PUS1: variants seen among roughly 807,000 people sequenced by gnomAD.
PUS1 encodes pseudouridylate synthase 1 homolog.
PUS1 carries 25 observed loss-of-function variants against 38.5 expected under a neutral mutation model. The ratio of observed to expected loss-of-function variants is 0.65; its 90% confidence interval spans 0.47 to 0.91. The LOEUF (loss-of-function observed/expected upper bound fraction) is 0.91. PUS1 is among the 40% of genes least tolerant of loss of function. PUS1 has a pLI of 0.00. For missense variants in PUS1, 597 were observed against 612.3 expected (o/e 0.97, Z 0.26); for synonymous variants, 282 against 260.4 (o/e 1.08, Z -0.80).
In PUS1 at chr12:131,930,358, C is replaced by G. The variant is rs190225061; in HGVS notation, c.303+223C>G. On this transcript the variant is annotated intron_variant, in intron 2 of 5. Coordinates refer to ENST00000376649, the MANE Select transcript of PUS1 (RefSeq NM_025215.6). ...CGGCCCTGCCGCTAACCGCTGTTAT[C>G]TGGGGCGGGGTTCACTTGCTGGGTG... 2.6e-3 allele frequency among the ~76,000 whole-genome samples: 393 copies of G among 152,320 alleles called. 1 individual carries two copies. The highest frequency in any genetic ancestry group is 6.8e-3 in the Middle Eastern group (2 of 294).
At position 131,941,199 on chromosome 12, in the gene PUS1, G is replaced by T; in HGVS notation, c.545-93G>T. On this transcript the variant is annotated intron_variant, in intron 4 of 5. Coordinates refer to ENST00000376649, the MANE Select transcript of PUS1 (RefSeq NM_025215.6). The surrounding 1 kb of genome is among the most constrained non-coding windows in gnomAD (Gnocchi z 4.4). ...GAGCTTGGTCGGTGCTCTGGGTAAG[G>T]AGACGCTGGGGCTCACGCCGTGCTC... is the stretch of plus-strand genomic sequence containing the variant. 1.8e-6 allele frequency: 2 copies of T among 1,121,190 alleles called. No homozygotes were observed. The highest frequency in any genetic ancestry group is 2.5e-5 in the East Asian group (1 of 39,548). 69.5% of individuals were successfully genotyped at this position (1,121,190 alleles called of 1,614,324 possible). A position where few individuals can be genotyped will look rare whatever the true frequency, so the allele number is the denominator to read the frequency against.
chr12:131,929,911 C>A lies in PUS1; in HGVS notation c.79C>A (p.Pro27Thr). Residue 27 changes from proline to threonine, a missense_variant, in exon 2 of 6, where the codon CCG becomes ACG. Transcript: ENST00000376649. ...LRLGPRPSCS[P>T]RMAGNAEPPP... ...TCACGCCGCCCTTCTCCGCAGCTCG[C>A]CGCGCATGGCCGGGAACGCGGAGCC... 1.4e-6 allele frequency: 2 copies of A among 1,473,454 alleles called. No homozygotes were observed. Among genetic ancestry groups the A allele is most frequent in the Non-Finnish European group, 1.8e-6 (2 of 1,118,948 alleles). The allele number at this position is 1,473,454 out of a possible 1,614,324, so 91.3% of individuals were successfully genotyped here. A position where few individuals can be genotyped will look rare whatever the true frequency, so the allele number is the denominator to read the frequency against.
intron 5 of PUS1, among the ~76,000 whole-genome samples, chr12:131,942,572 C>T (rs545407000): frequency 6.6e-6 from 1 of 151,996 alleles, no homozygotes; most frequent in African/African-American, 2.4e-5. Context: ...ACGCCCGGCT[C>T]ATTTTTTGTA....
chr12:131,933,825 A>T (rs760285138), intron 3 of PUS1, among the ~76,000 whole-genome samples: 22 of 152,140 alleles, frequency 1.4e-4, no homozygotes, highest in Admixed American at 5.2e-4. Flanking sequence ...CGAGACAAAG[A>T]GATAGAAGGA....
chr12:131,943,387 G>A, intron 5 of PUS1, 152 bp from the exon 6 acceptor site: 2 of 751,982 alleles, frequency 2.7e-6, no homozygotes, highest in Non-Finnish European at 4.8e-6. Context: ...CTGGTTAAGA[G>A]AATGACCGAG....
At chr12:131,937,089 A>G (rs965549783) in intron 3 of PUS1, among the ~76,000 whole-genome samples, 2 of 152,166 alleles carry the variant, frequency 1.3e-5, no homozygotes, top group Non-Finnish European at 2.9e-5. Flanking sequence ...AATCTGTTGT[A>G]TATTTACCTA....
chr12:131,942,877 C>T (rs926885267), intron 5 of PUS1, among the ~76,000 whole-genome samples: 1 of 152,152 alleles, frequency 6.6e-6, no homozygotes, highest in Non-Finnish European at 1.5e-5. Context: ...GGTGGGCAGG[C>T]GAGGGGCCAG....
In PUS1 at chr12:131,943,839, G is replaced by C. The variant is rs59879353; in HGVS notation, c.*253G>C. 2.8e-3 allele frequency: 1,359 copies of C among 481,044 alleles called. 20 individuals carry two copies. In the Admixed American group the frequency reaches 0.028, roughly 10 times the overall value. The allele number at this position is 481,044 out of a possible 1,614,324, so 29.8% of individuals were successfully genotyped here. A position where few individuals can be genotyped will look rare whatever the true frequency, so the allele number is the denominator to read the frequency against. ...AAGAAGTGATTTTCTTATTAAACAA[G>C]TACAAATTTTGCTTAGTCAATCCTT... On this transcript the variant is annotated 3_prime_UTR_variant, in exon 6 of 6. Transcript: ENST00000376649.
chr12:131,930,194 G>T, intron 2 of PUS1, 59 bp downstream of exon 2: 1 of 1,197,462 alleles, frequency 8.4e-7, no homozygotes, highest in Non-Finnish European at 1.1e-6. Context: ...GCGGCCGCCG[G>T]GGAAGCGGTG....
At chr12:131,933,118 C>T (rs576843451) in intron 3 of PUS1, among the ~76,000 whole-genome samples, 2 of 152,088 alleles carry the variant, frequency 1.3e-5, no homozygotes, top group East Asian at 3.9e-4. Context: ...TTGGGGATTA[C>T]CTTCAACATG....
Position 131,929,400 on chromosome 12 carries a change from C to G in PUS1, c.-323C>G, listed in dbSNP as rs1305908068. The G allele has an allele frequency of 2.9e-6, 1 of 349,090 alleles. No homozygotes were observed. 21.6% of individuals were successfully genotyped at this position (349,090 alleles called of 1,614,324 possible). ...CGGGAGGTGAAGAGGCTGGGGAAGT[C>G]AGAGGTTAACCTGGGCGTCAGGGGA... is the stretch of plus-strand genomic sequence containing the variant. On this transcript the variant is annotated 5_prime_UTR_variant, in exon 1 of 6. Coordinates refer to ENST00000376649, the MANE Select transcript of PUS1 (RefSeq NM_025215.6).
intron 3 of PUS1, chr12:131,934,575 TTATATC>T (rs1394081725): frequency 9.9e-5 from 15 of 152,218 alleles, no homozygotes; most frequent in African/African-American, 3.6e-4. Context: ...TGGTATATAA[TTATATC>T]TATATCCTAT....
intron 5 of PUS1, 98 bp downstream of exon 5, chr12:131,942,081 C>A: frequency 9.0e-7 from 1 of 1,109,462 alleles, no homozygotes; most frequent in South Asian, 1.3e-5. Context: ...TGTGTCACTT[C>A]CCCGCAAGGC....
Position 131,941,414 on chromosome 12 carries a change from C to G in PUS1, c.667C>G (p.Arg223Gly). 6.2e-7 allele frequency: 1 copy of G among 1,614,200 alleles called. No homozygotes were observed. Among genetic ancestry groups the G allele is most frequent in the South Asian group, 1.1e-5 (1 of 91,084 alleles). ...KDRDVQDETY[R>G]LSAETLQQVN... ...CCGGGACGTTCAGGATGAGACCTAC[C>G]GCCTGAGCGCCGAGACGCTGCAGCA... Residue 223 changes from arginine to glycine, a missense_variant, in exon 5 of 6, where the codon CGC becomes GGC. By Grantham distance (125) the Arg-to-Gly change is moderately radical. Transcript: ENST00000376649. The surrounding 1 kb of genome is among the most constrained non-coding windows in gnomAD (Gnocchi z 4.4).
intron 2 of PUS1, 34 bp downstream of exon 2, chr12:131,930,169 G>A: frequency 1.4e-6 from 2 of 1,382,740 alleles, no homozygotes; most frequent in Non-Finnish European, 1.9e-6. Flanking sequence ...GGTCCCGCGG[G>A]GTTTAGGTGC....
chr12:131,938,782 C>T (rs1260797099), intron 3 of PUS1, among the ~76,000 whole-genome samples: 1 of 149,236 alleles, frequency 6.7e-6, no homozygotes, highest in Admixed American at 6.7e-5. Context: ...AGTGCAGTGG[C>T]ACGATCTCAG....
chr12:131,929,721 G>C lies in PUS1; in HGVS notation c.-2G>C. Reference sequence around the variant, plus strand: ...GGGGTCGGGTGCACTGGTAGCCTGCGCATGGGCCTCCAGCTTCGCGCGCTG... The same window carrying C: ...GGGGTCGGGTGCACTGGTAGCCTGCCCATGGGCCTCCAGCTTCGCGCGCTG... On this transcript the variant is annotated 5_prime_UTR_variant, in exon 1 of 6. Coordinates refer to ENST00000376649, the MANE Select transcript of PUS1 (RefSeq NM_025215.6). 1 of 1,587,834 alleles carries C rather than the reference G, an allele frequency of 6.3e-7. No individual in the cohort carries two copies. The highest frequency in any genetic ancestry group is 2.3e-5 in the East Asian group (1 of 43,476).
At chr12:131,939,322 T>C (rs771611283) in intron 4 of PUS1, 47 bp downstream of exon 4, 3 of 1,213,562 alleles carry the variant, frequency 2.5e-6, no homozygotes, top group Non-Finnish European at 3.6e-6. Flanking sequence ...GTAGATGGTC[T>C]TGCAGAGACA....
Position 131,932,089 on chromosome 12 carries a change from G to A in PUS1, c.304-86G>A, listed in dbSNP as rs984355013. ...ACTTCAGGAGGCCAGAGGAGTAAGC[G>A]GCCAGGAGTTCGAGACCAGCCTGGG... On this transcript the variant is annotated intron_variant, in intron 2 of 5. Transcript: ENST00000376649. The A allele has an allele frequency of 5.9e-6, 7 of 1,177,556 alleles. No individual in the cohort carries two copies. The South Asian group carries it at 6.4e-5, about 11-fold the overall frequency. 72.9% of individuals were successfully genotyped at this position (1,177,556 alleles called of 1,614,324 possible).
Sources: gnomAD v4.1 joint callset for allele counts (sites outside exome capture counted in the v4.1 genomes callset) on GRCh38, gnomAD v4.1.1 for gene constraint, Gnocchi (gnomAD v3.1) non-coding constraint, MANE v1.5 for transcripts, NCBI Gene and HGNC (gene_info 2026-07-23, HGNC 2026-07-21) for gene names.